The following FXR1 variants were observed in gnomAD, a reference collection of about 807,000 sequenced individuals.
FXR1 encodes the protein RNA-binding protein FXR1.
A neutral mutation model predicts 84.0 loss-of-function variants in FXR1; 15 were observed. The ratio of observed to expected loss-of-function variants is 0.18; its 90% confidence interval spans 0.12 to 0.27. The LOEUF is 0.27. Among genes scored for constraint, FXR1 ranks in the 10% least tolerant of loss-of-function variants. FXR1 has a pLI of 1.00. For synonymous variants in FXR1, 245 were observed against 250.7 expected (o/e 0.98, Z 0.21); for missense variants, 480 against 774.4 (o/e 0.62, Z 4.51).
At chr3:180,932,831 T>A (rs904895814) in intron 1 of FXR1, among the ~76,000 whole-genome samples, 5 of 152,234 alleles carry the variant, frequency 3.3e-5, no homozygotes, top group African/African-American at 1.2e-4. Context: ...AAAATTGGGT[T>A]CTTACTTTGT....
chr3:180,970,258 C>A lies in FXR1; in HGVS notation c.1503C>A (p.Asn501Lys). Residue 501 changes from asparagine to lysine, a missense_variant, in exon 15 of 17, where the codon AAC becomes AAA. Asn to Lys is a moderately conservative substitution (Grantham distance 94, BLOSUM62 0). Around this residue, in one of 6 missense-constraint regions of FXR1, gnomAD observed 157 missense variants for 227.8 expected, o/e 0.69. Transcript: ENST00000357559. The stretch of plus-strand genomic sequence containing the variant: ...CCAGCGAATCTCATCACAGTACTAA[C>A]CGTCGTAGGCGGTCTCGTAGACGAA... ...TDASESHHSTNRRRRSRRRRT... is the reference protein window; with the variant it reads ...TDASESHHSTKRRRRSRRRRT... 1 of 1,601,196 alleles carries A rather than the reference C, an allele frequency of 6.2e-7. No individual in the cohort carries two copies. The highest frequency in any genetic ancestry group is 8.6e-7 in the Non-Finnish European group (1 of 1,168,604).
At position 180,977,401 on chromosome 3, in the gene FXR1, C is replaced by G. The variant is rs1714339305; in HGVS notation, c.*1109C>G. On this transcript the variant is annotated 3_prime_UTR_variant, in exon 17 of 17. Coordinates refer to ENST00000357559, the MANE Select transcript of FXR1 (RefSeq NM_005087.4). Reference sequence around the variant, plus strand: ...TGTGATAATTAGCAAAAAAACCTAACAAAATTCTAATCAAAGGCAACTTTG... The same window carrying G: ...TGTGATAATTAGCAAAAAAACCTAAGAAAATTCTAATCAAAGGCAACTTTG... 1 of 151,896 alleles carries G rather than the reference C, an allele frequency of 6.6e-6. No individual in the cohort carries two copies. The highest frequency in any genetic ancestry group is 1.5e-5 in the Non-Finnish European group (1 of 67,926). The allele number at this position is 151,896 out of a possible 1,614,324, so 9.4% of individuals were successfully genotyped here.
chr3:180,975,327 T>G lies in FXR1; in HGVS notation c.1618T>G (p.Tyr540Asp). Residue 540 changes from tyrosine to aspartate, a missense_variant, in exon 16 of 17, where the codon TAT becomes GAT. Transcript: ENST00000357559. ...NENGLVTVAD[Y>D]ISRAESQSRQ... ...ATCTTTAACAGTCACAGTTGCAGAT[T>G]ATATTTCTAGAGCTGAGTCTCAGAG... 2 of 1,470,902 alleles carry G rather than the reference T, an allele frequency of 1.4e-6. No homozygotes were observed. The highest frequency in any genetic ancestry group is 1.9e-6 in the Non-Finnish European group (2 of 1,073,356). The allele number at this position is 1,470,902 out of a possible 1,614,324, so 91.1% of individuals were successfully genotyped here.
intron 1 of FXR1, among the ~76,000 whole-genome samples, chr3:180,919,197 A>G (rs745847859): frequency 1.8e-4 from 27 of 152,268 alleles, no homozygotes; most frequent in Non-Finnish European, 3.2e-4. Flanking sequence ...GAATTGAGAC[A>G]TGCTTTAAAT....
At position 180,942,377 on chromosome 3, in the gene FXR1, C is replaced by CAAAAAAAAAAA. The variant is rs765066164; in HGVS notation, c.199-5470_199-5460dup. Among the ~76,000 whole-genome samples the CAAAAAAAAAAA allele has an allele frequency of 1.0e-3, 32 of 31,128 alleles. 2 individuals carry two copies. Among genetic ancestry groups the CAAAAAAAAAAA allele is most frequent in the African/African-American group, 3.1e-3 (27 of 8,708 alleles). 20.4% of individuals were successfully genotyped at this position (31,128 alleles called of 152,430 possible). On this transcript the variant is annotated intron_variant, in intron 3 of 16. Transcript: ENST00000357559. ...TGGGCGACAGAGCGAGACTCCGTCT[C>CAAAAAAAAAAA]AAAAAAAAAAAAAAAAAAAAAAAAA... is the stretch of plus-strand genomic sequence containing the variant.
rs1714579659 is a variant in FXR1 at position 180,980,913 on chromosome 3, GC to G, written c.*4622del. ...TTTACATAACCAAAAACCTAGGAGAGCATTCTACATTGTAATTTTTTTTTTA... is the reference window on the plus strand; with the variant it reads ...TTTACATAACCAAAAACCTAGGAGAGATTCTACATTGTAATTTTTTTTTTA... On this transcript the variant is annotated 3_prime_UTR_variant, in exon 17 of 17. Transcript: ENST00000357559. 6.6e-6 allele frequency: 1 copy of G among 151,298 alleles called. No homozygotes were observed. Among genetic ancestry groups the G allele is most frequent in the Admixed American group, 6.6e-5 (1 of 15,232 alleles). The allele number at this position is 151,298 out of a possible 1,614,324, so 9.4% of individuals were successfully genotyped here.
In FXR1 at chr3:180,982,479, G is replaced by T. The variant is rs1444698548; in HGVS notation, c.*6187G>T. On this transcript the variant is annotated 3_prime_UTR_variant, in exon 17 of 17. Coordinates refer to ENST00000357559, the MANE Select transcript of FXR1 (RefSeq NM_005087.4). ...ACTATGCAAGAAAAAAATGTGCTCTGCTGTGCTCCTTGGTATTTTTAAGTG... is the reference window on the plus strand; with the variant it reads ...ACTATGCAAGAAAAAAATGTGCTCTTCTGTGCTCCTTGGTATTTTTAAGTG... 1 of 152,082 alleles carries T rather than the reference G, an allele frequency of 6.6e-6. No individual in the cohort carries two copies. Among genetic ancestry groups the T allele is most frequent in the African/African-American group, 2.4e-5 (1 of 41,444 alleles). 9.4% of individuals were successfully genotyped at this position (152,082 alleles called of 1,614,324 possible).
At chr3:180,917,986 A>G (rs985775208) in intron 1 of FXR1, among the ~76,000 whole-genome samples, 3 of 150,722 alleles carry the variant, frequency 2.0e-5, no homozygotes, top group Admixed American at 6.6e-5. Context: ...TTAAATGCAT[A>G]TATTTCTTGT....
chr3:180,948,439 C>T lies in FXR1; in HGVS notation c.363C>T (p.Val121=), dbSNP rs1721907503. The T allele has an allele frequency of 6.2e-7, 1 of 1,604,228 alleles. No homozygotes were observed. Among genetic ancestry groups the T allele is most frequent in the Non-Finnish European group, 8.5e-7 (1 of 1,172,468 alleles). ...GGCCTGTCAATCAAAATAAAACTGTCAAAAAAAATACCTTCTTTAAATGCA... is the reference window on the plus strand; with the variant it reads ...GGCCTGTCAATCAAAATAAAACTGTTAAAAAAAATACCTTCTTTAAATGCA... ...RLRPVNQNKT[V]KKNTFFKCTV... Residue 121 remains valine (V), a synonymous_variant, in exon 5 of 17, where the codon GTC becomes GTT. Coordinates refer to ENST00000357559, the MANE Select transcript of FXR1 (RefSeq NM_005087.4).
intron 1 of FXR1, chr3:180,927,629 G>A (rs1287138587): frequency 3.5e-6 from 2 of 576,524 alleles, no homozygotes; most frequent in South Asian, 2.1e-5. Flanking sequence ...GATATCCTGT[G>A]TACTTTTTTC....
At chr3:180,922,197 G>A (rs1718675591) in intron 1 of FXR1, among the ~76,000 whole-genome samples, 1 of 152,010 alleles carries the variant, frequency 6.6e-6, no homozygotes, top group South Asian at 2.1e-4. Flanking sequence ...CTTGGTGAAA[G>A]GGAACCTTTA....
At chr3:180,940,127 A>G (rs567902948) in intron 3 of FXR1, among the ~76,000 whole-genome samples, 125 of 152,370 alleles carry the variant, frequency 8.2e-4, no homozygotes, top group African/African-American at 2.9e-3. Context: ...CATATGATTT[A>G]TAGTAGAAAG....
Position 180,980,182 on chromosome 3 carries a change from T to G in FXR1, c.*3890T>G, listed in dbSNP as rs1024900096. 3 of 152,088 alleles carry G rather than the reference T, an allele frequency of 2.0e-5. No individual in the cohort carries two copies. The highest frequency in any genetic ancestry group is 7.2e-5 in the African/African-American group (3 of 41,444). The allele number at this position is 152,088 out of a possible 1,614,324, so 9.4% of individuals were successfully genotyped here. ...CAACACCTAACCAAATGCCCAAGTA[T>G]TCTCATAAGGAGTATGCTGAATTTA... is the stretch of plus-strand genomic sequence containing the variant. On this transcript the variant is annotated 3_prime_UTR_variant, in exon 17 of 17. Transcript: ENST00000357559.
At chr3:180,941,100 G>A (rs572779832) in intron 3 of FXR1, among the ~76,000 whole-genome samples, 15 of 151,760 alleles carry the variant, frequency 9.9e-5, no homozygotes, top group East Asian at 5.8e-4. Flanking sequence ...TGGGATAGGC[G>A]CCTTGAGAGA....
At chr3:180,913,613 T>G (rs1241803628) in intron 1 of FXR1, among the ~76,000 whole-genome samples, 1 of 152,120 alleles carries the variant, frequency 6.6e-6, no homozygotes, top group Non-Finnish European at 1.5e-5. Context: ...GTAAGAGGAA[T>G]AGAGTAGAGG....
Position 180,977,768 on chromosome 3 carries a change from A to G in FXR1, c.*1476A>G, listed in dbSNP as rs1403897887. 6.6e-6 allele frequency: 1 copy of G among 152,140 alleles called. No homozygotes were observed. Among genetic ancestry groups the G allele is most frequent in the African/African-American group, 2.4e-5 (1 of 41,450 alleles). The allele number at this position is 152,140 out of a possible 1,614,324, so 9.4% of individuals were successfully genotyped here. The stretch of plus-strand genomic sequence containing the variant: ...AGTGTTGTGTGCATAGTTTGTGTTA[A>G]TTTTTTATGTGCATAAAAATGTGAT... On this transcript the variant is annotated 3_prime_UTR_variant, in exon 17 of 17. Coordinates refer to ENST00000357559, the MANE Select transcript of FXR1 (RefSeq NM_005087.4).
chr3:180,923,713 G>C (rs1291215474), intron 1 of FXR1, among the ~76,000 whole-genome samples: 1 of 152,110 alleles, frequency 6.6e-6, no homozygotes, highest in Non-Finnish European at 1.5e-5. Context: ...CCCAGTTTAA[G>C]AATCTTCACC....
chr3:180,966,046 G>A (rs1226930348), intron 13 of FXR1, among the ~76,000 whole-genome samples: 1 of 152,044 alleles, frequency 6.6e-6, no homozygotes, highest in Non-Finnish European at 1.5e-5. Context: ...GTAGGGTATA[G>A]GTTTGTAAAT....
chr3:180,976,224 G>A lies in FXR1; in HGVS notation c.1798G>A (p.Glu600Lys). The A allele has an allele frequency of 6.2e-7, 1 of 1,612,504 alleles. No individual in the cohort carries two copies. Among genetic ancestry groups the A allele is most frequent in the South Asian group, 1.1e-5 (1 of 91,010 alleles). Residue 600 changes from glutamate (E) to lysine (K), a missense_variant, in exon 17 of 17, where the codon GAA (glutamate) becomes AAA (lysine). By Grantham distance (56) the Glu-to-Lys change is moderately conservative. Transcript: ENST00000357559. ...TTCTAAGCTACAGCGTACTCCAGGA[G>A]AAGAAAAGATTAATACCTTAAAAGA... ...DISKLQRTPG[E>K]EKINTLKEEN...
Sources: allele counts gnomAD v4.1 joint callset (sites outside exome capture counted in the v4.1 genomes callset), GRCh38; gene constraint gnomAD v4.1.1; regional missense constraint gnomAD v4.1.1; transcripts MANE v1.5; gene names NCBI Gene and HGNC (gene_info 2026-07-23, HGNC 2026-07-21).